Variants in WWOX observed in about 807,000 individuals in gnomAD.
The protein encoded by WWOX is WW domain-containing oxidoreductase.
Under a neutral mutation model 46.2 loss-of-function variants are expected in WWOX, and 69 were observed. That is an observed-to-expected ratio of 1.49 (90% CI 1.23 to 1.82). The LOEUF is 1.82. WWOX is among the 40% of genes most tolerant of loss of function. The probability of loss-of-function intolerance (pLI) is 0.00; values close to 1 mark genes in which losing one functional copy is unlikely to be tolerated. For synonymous variants in WWOX, 359 were observed against 202.6 expected, an observed-to-expected ratio of 1.77 and a Z score of -6.56; for missense variants, 919 against 542.6, an observed-to-expected ratio of 1.69 and a Z score of -6.89.
At chr16:78,293,034 C>T (rs2079885075) in intron 5 of WWOX, among the ~76,000 whole-genome samples, 1 of 152,160 alleles carries the variant, frequency 6.6e-6, no homozygotes, top group South Asian at 2.1e-4. Flanking sequence ...GCATTCTTGG[C>T]CTGACCTGTC....
At chr16:79,053,830 C>A (rs951720941) in intron 8 of WWOX, among the ~76,000 whole-genome samples, 1 of 152,110 alleles carries the variant, frequency 6.6e-6, no homozygotes, top group Non-Finnish European at 1.5e-5. Context: ...AAATTTGCAG[C>A]TTCTATTTAG....
chr16:78,706,772 C>G (rs1234208213), intron 8 of WWOX, among the ~76,000 whole-genome samples: 1 of 152,132 alleles, frequency 6.6e-6, no homozygotes, highest in Non-Finnish European at 1.5e-5. Context: ...TTCCTGACAG[C>G]TACCCTTGCA....
At chr16:79,125,803 T>C (rs1346645469) in intron 8 of WWOX, among the ~76,000 whole-genome samples, 1 of 152,206 alleles carries the variant, frequency 6.6e-6, no homozygotes, top group Non-Finnish European at 1.5e-5. Context: ...ATTGAAACAT[T>C]ATGGTGTTGC....
chr16:78,799,101 G>C (rs1001309449), intron 8 of WWOX, among the ~76,000 whole-genome samples: 1 of 152,124 alleles, frequency 6.6e-6, no homozygotes, highest in African/African-American at 2.4e-5. Flanking sequence ...TTTAAATTGT[G>C]TAGATTACCT....
intron 6 of WWOX, among the ~76,000 whole-genome samples, chr16:78,389,161 T>A (rs1439702170): frequency 1.3e-5 from 2 of 152,190 alleles, no homozygotes; most frequent in Admixed American, 1.3e-4. Context: ...CCTGTGTGTG[T>A]CCTTTGCAGC....
intron 8 of WWOX, among the ~76,000 whole-genome samples, chr16:79,174,323 G>A (rs1184623387): frequency 1.3e-5 from 2 of 152,148 alleles, no homozygotes; most frequent in Non-Finnish European, 2.9e-5. Context: ...TTAGTGCCTT[G>A]GCCAGACAAG....
intron 5 of WWOX, among the ~76,000 whole-genome samples, chr16:78,381,162 C>G (rs187114481): frequency 1.3e-5 from 2 of 152,286 alleles, no homozygotes; most frequent in East Asian, 3.9e-4. Flanking sequence ...AAATACCACA[C>G]ACTCCCCATA....
chr16:78,588,663 T>C (rs1442497153), intron 8 of WWOX, among the ~76,000 whole-genome samples: 1 of 152,232 alleles, frequency 6.6e-6, no homozygotes, highest in African/African-American at 2.4e-5. Context: ...TGAGTGTTCT[T>C]TCCTGCTGAG....
intron 8 of WWOX, among the ~76,000 whole-genome samples, chr16:79,032,653 A>G (rs1490844256): frequency 7.3e-6 from 1 of 137,174 alleles, no homozygotes; most frequent in African/African-American, 3.0e-5. Flanking sequence ...GAGCGTGTAT[A>G]TTATTTACAT....
At chr16:78,804,547 A>C (rs1327413912) in intron 8 of WWOX, among the ~76,000 whole-genome samples, 1 of 152,196 alleles carries the variant, frequency 6.6e-6, no homozygotes, top group Admixed American at 6.5e-5. Context: ...TTGGAGCCTG[A>C]TGAGAACTGT....
At chr16:78,101,995 A>T (rs1597194852) in intron 1 of WWOX, among the ~76,000 whole-genome samples, 1 of 152,030 alleles carries the variant, frequency 6.6e-6, no homozygotes, top group Non-Finnish European at 1.5e-5. Flanking sequence ...TGGCACCCTC[A>T]CAGTAACCTT....
At chr16:78,264,328 C>G (rs994410093) in intron 5 of WWOX, 10 of 152,126 alleles carry the variant, frequency 6.6e-5, no homozygotes, top group African/African-American at 2.2e-4. Flanking sequence ...AGAATTATGC[C>G]TTCTTGAGCC....
intron 8 of WWOX, among the ~76,000 whole-genome samples, chr16:78,686,757 C>T (rs374789519): frequency 3.9e-5 from 6 of 152,206 alleles, no homozygotes; most frequent in South Asian, 2.1e-4. Context: ...CCCTGCACTC[C>T]ATATGCCTTC....
chr16:78,625,130 C>T (rs1219172515), intron 8 of WWOX, among the ~76,000 whole-genome samples: 2 of 152,228 alleles, frequency 1.3e-5, no homozygotes, highest in Admixed American at 6.5e-5. Context: ...TCCTAAGCTA[C>T]TAAAACTTTG....
At chr16:79,039,747 T>G (rs1398893920) in intron 8 of WWOX, among the ~76,000 whole-genome samples, 1 of 152,170 alleles carries the variant, frequency 6.6e-6, no homozygotes, top group East Asian at 1.9e-4. Flanking sequence ...GGTCTTAGTT[T>G]CAGTGGCTCT....
chr16:78,820,134 G>C (rs1338188805), intron 8 of WWOX, among the ~76,000 whole-genome samples: 1 of 152,128 alleles, frequency 6.6e-6, no homozygotes, highest in Middle Eastern at 3.2e-3. Context: ...TAGGCTCTCA[G>C]GATGCACAAT....
chr16:78,464,488 C>G (rs919046990), intron 8 of WWOX, among the ~76,000 whole-genome samples: 1 of 152,152 alleles, frequency 6.6e-6, no homozygotes, highest in Non-Finnish European at 1.5e-5. Flanking sequence ...GTATCACAAA[C>G]TACTAGGATT....
At chr16:79,031,228 T>C (rs11641140) in intron 8 of WWOX, among the ~76,000 whole-genome samples, 3 of 151,912 alleles carry the variant, frequency 2.0e-5, no homozygotes, top group Admixed American at 1.3e-4. Flanking sequence ...GAGTGTCCCA[T>C]CTGGGTTTCC....
intron 5 of WWOX, among the ~76,000 whole-genome samples, chr16:78,241,731 C>T (rs143454399): frequency 2.6e-5 from 4 of 152,216 alleles, no homozygotes; most frequent in African/African-American, 7.2e-5. Context: ...TGAACCACCA[C>T]GCCCCTCACG....
Sources: allele counts gnomAD v4.1 joint callset (sites outside exome capture counted in the v4.1 genomes callset), GRCh38; gene constraint gnomAD v4.1.1; transcripts MANE v1.5; gene names NCBI Gene and HGNC (gene_info 2026-07-23, HGNC 2026-07-21).